Variants in IL22RA1 observed in about 807,000 individuals in gnomAD.
IL22RA1 encodes the protein interleukin-22 receptor subunit alpha-1.
IL22RA1 carries 25 observed loss-of-function variants against 32.8 expected under a neutral mutation model. The ratio of observed to expected loss-of-function variants is 0.76; its 90% CI spans 0.55 to 1.06. The LOEUF is 1.06. Ranked by LOEUF, IL22RA1 falls within the 50% of genes least tolerant of loss-of-function variation. The pLI, the probability that IL22RA1 is intolerant of heterozygous loss-of-function variation, is 0.00. For synonymous variants in IL22RA1, 305 were observed against 305.0 expected (o/e 1.00, Z 0.00); for missense variants, 709 against 727.4 (o/e 0.97, Z 0.29).
intron 5 of IL22RA1, 67 bp downstream of exon 5, chr1:24,128,074 G>A (rs1178648000): frequency 1.4e-6 from 2 of 1,446,378 alleles, no homozygotes; most frequent in African/African-American, 2.9e-5. Context: ...TGGTTACAGG[G>A]AGGAAAGAGA....
chr1:24,124,951 G>T (rs1030599732), intron 5 of IL22RA1, among the ~76,000 whole-genome samples: 30 of 152,288 alleles, frequency 2.0e-4, no homozygotes, highest in African/African-American at 7.2e-4. Context: ...GTGTGTATTG[G>T]ATACATTGCC....
At chr1:24,124,653 C>T (rs1157633792) in intron 5 of IL22RA1, among the ~76,000 whole-genome samples, 1 of 152,102 alleles carries the variant, frequency 6.6e-6, no homozygotes, top group East Asian at 1.9e-4. Context: ...GAGAGTTTAT[C>T]AATAGCTCCA....
chr1:24,123,714 T>C (rs1329961904), intron 5 of IL22RA1, among the ~76,000 whole-genome samples: 1 of 152,230 alleles, frequency 6.6e-6, no homozygotes, highest in African/African-American at 2.4e-5. Context: ...AATTCAGAGT[T>C]CTTGGACTTC....
intron 6 of IL22RA1, among the ~76,000 whole-genome samples, chr1:24,122,571 A>G (rs1478832625): frequency 2.0e-5 from 3 of 152,132 alleles, no homozygotes; most frequent in African/African-American, 7.2e-5. Flanking sequence ...CGAGGTGGGT[A>G]GATCACCTGA....
chr1:24,124,684 G>C (rs1319255399), intron 5 of IL22RA1, among the ~76,000 whole-genome samples: 1 of 152,000 alleles, frequency 6.6e-6, no homozygotes, highest in African/African-American at 2.4e-5. Flanking sequence ...CGATCACTGT[G>C]AACTCCGGGT....
intron 3 of IL22RA1, 40 bp from the exon 4 acceptor site, chr1:24,134,426 G>C (rs368414250): frequency 2.1e-6 from 3 of 1,433,626 alleles, no homozygotes; most frequent in African/African-American, 2.9e-5. Flanking sequence ...GAAAAAGTCA[G>C]AATCGGTGGG....
Position 24,123,286 on chromosome 1 carries a change from T to C in IL22RA1, c.792+16A>G. 1 of 1,612,236 alleles carries C rather than the reference T, an allele frequency of 6.2e-7. No homozygotes were observed. Among genetic ancestry groups the C allele is most frequent in the Non-Finnish European group, 8.5e-7 (1 of 1,178,828 alleles). The stretch of plus-strand genomic sequence containing the variant: ...TCCCCTGGACCTCTCCCTCCCACCC[T>C]GGGGGGATGGCTCACCAGGGAGTTG... On this transcript the variant is annotated intron_variant, in intron 6 of 6. Coordinates refer to ENST00000270800, the MANE Select transcript of IL22RA1 (RefSeq NM_021258.4).
rs773497212 is a variant in IL22RA1, at chr1:24,121,013, C to A, written c.1517G>T (p.Gly506Val). 13 of 1,613,982 alleles carry A rather than the reference C, an allele frequency of 8.1e-6. No individual in the cohort carries two copies. Among genetic ancestry groups the A allele is most frequent in the Non-Finnish European group, 1.1e-5 (13 of 1,179,884 alleles). ...TTGCAAAGGGAGGGACATGGGGTGGCCCTCGATCTGGACTGAGGAGAGGAG... is the reference window on the plus strand; with the variant it reads ...TTGCAAAGGGAGGGACATGGGGTGGACCTCGATCTGGACTGAGGAGAGGAG... ...LPLLSSVQIEGHPMSLPLQPP... is the reference protein window; with the variant it reads ...LPLLSSVQIEVHPMSLPLQPP... Residue 506 changes from glycine to valine, a missense_variant, in exon 7 of 7, where the codon GGC becomes GTC. Transcript: ENST00000270800.
intron 4 of IL22RA1, among the ~76,000 whole-genome samples, chr1:24,132,424 C>T (rs144697207): frequency 0.068 from 10,333 of 151,266 alleles, 494 homozygotes; most frequent in Non-Finnish European, 0.1. Context: ...CTCCACCTCC[C>T]GGGTTCACGC....
Position 24,120,977 on chromosome 1 carries a change from C to A in IL22RA1, c.1553G>T (p.Arg518Leu). Residue 518 changes from arginine to leucine, a missense_variant, in exon 7 of 7, where the codon CGT becomes CTT. Physicochemically the swap from Arg to Leu is moderately radical, Grantham distance 102 (BLOSUM62 -2). Transcript: ENST00000270800. ...ACCTTGGTCCGAGGGGGAACATGGA[C>A]GGGAAGGAGGTTGCAAAGGGAGGGA... ...PMSLPLQPPS[R>L]PCSPSDQGPS... The A allele has an allele frequency of 1.2e-6, 2 of 1,614,028 alleles. No individual in the cohort carries two copies. The highest frequency in any genetic ancestry group is 1.7e-6 in the Non-Finnish European group (2 of 1,179,940).
intron 6 of IL22RA1, among the ~76,000 whole-genome samples, chr1:24,122,458 C>T (rs1046412882): frequency 2.0e-5 from 3 of 152,100 alleles, no homozygotes; most frequent in African/African-American, 7.2e-5. Flanking sequence ...AGAACTGTAA[C>T]AAAGGGCTTT....
chr1:24,130,840 G>A (rs557907111), intron 4 of IL22RA1, among the ~76,000 whole-genome samples: 3 of 152,186 alleles, frequency 2.0e-5, no homozygotes, highest in Non-Finnish European at 4.4e-5. Flanking sequence ...GAGTAGCTGG[G>A]ATTACAGGCA....
At chr1:24,124,253 G>A (rs973185428) in intron 5 of IL22RA1, among the ~76,000 whole-genome samples, 3 of 152,156 alleles carry the variant, frequency 2.0e-5, no homozygotes, top group Non-Finnish European at 4.4e-5. Flanking sequence ...GAGGGGAGAA[G>A]TGAAAACAGG....
At chr1:24,126,924 A>G (rs2148571193) in intron 5 of IL22RA1, among the ~76,000 whole-genome samples, 1 of 151,568 alleles carries the variant, frequency 6.6e-6, no homozygotes, top group Non-Finnish European at 1.5e-5. Flanking sequence ...TAATCCCAGC[A>G]TTTTGGGAGG....
intron 3 of IL22RA1, 54 bp from the exon 4 acceptor site, chr1:24,134,440 T>C: frequency 7.3e-7 from 1 of 1,360,994 alleles, no homozygotes; most frequent in Admixed American, 2.5e-5. Flanking sequence ...CGGTGGGTAG[T>C]GTCTGAGGCA....
rs1416006790 is a variant in IL22RA1, at chr1:24,120,911, T to C, written c.1619A>G (p.Lys540Arg). ...WGLLESLVCPKDEAKSPAPET... is the reference protein window; with the variant it reads ...WGLLESLVCPRDEAKSPAPET... ...AGGGGCTGGGCTCTTGGCTTCATCC[T>C]TGGGACACACAAGGGACTCCAGCAG... Residue 540 changes from lysine to arginine, a missense_variant, in exon 7 of 7, where the codon AAG (lysine) becomes AGG (arginine). Physicochemically the swap from Lys to Arg is conservative, Grantham distance 26. Transcript: ENST00000270800. 5 of 1,614,050 alleles carry C rather than the reference T, an allele frequency of 3.1e-6. No individual in the cohort carries two copies. Among genetic ancestry groups the C allele is most frequent in the Non-Finnish European group, 4.2e-6 (5 of 1,180,022 alleles).
chr1:24,128,436 A>C (rs1476807778), intron 4 of IL22RA1, among the ~76,000 whole-genome samples, 157 bp from the exon 5 acceptor site: 1 of 151,896 alleles, frequency 6.6e-6, no homozygotes, highest in Non-Finnish European at 1.5e-5. Flanking sequence ...TTTATCCCCA[A>C]ATCCAATCAG....
At chr1:24,135,245 T>C (rs1050477505) in intron 3 of IL22RA1, among the ~76,000 whole-genome samples, 3 of 152,210 alleles carry the variant, frequency 2.0e-5, no homozygotes, top group Non-Finnish European at 4.4e-5. Context: ...TACCAATATA[T>C]GGAGAAAAAG....
chr1:24,137,079 C>T, intron 3 of IL22RA1, 52 bp downstream of exon 3: 1 of 1,564,964 alleles, frequency 6.4e-7, no homozygotes, highest in Non-Finnish European at 8.7e-7. Flanking sequence ...ACCCCGCAAA[C>T]ACCTGCGCTT....
Sources: gnomAD v4.1 joint callset for allele counts (sites outside exome capture counted in the v4.1 genomes callset) on GRCh38, gnomAD v4.1.1 for gene constraint, MANE v1.5 for transcripts, NCBI Gene and HGNC (gene_info 2026-07-23, HGNC 2026-07-21) for gene names.